The following ZFHX3 variants were observed in gnomAD, a reference collection of about 807,000 sequenced individuals.
ZFHX3 encodes zinc finger homeobox protein 3.
A neutral mutation model predicts 279.1 loss-of-function variants in ZFHX3; 42 were observed. The ratio of observed to expected loss-of-function variants is 0.15; its 90% confidence interval spans 0.12 to 0.19. ZFHX3 has a LOEUF of 0.19. Ranked by LOEUF, ZFHX3 falls within the 10% of genes least tolerant of loss-of-function variation. The pLI is 1.00. For synonymous variants in ZFHX3, 2,293 were observed against 1,957.8 expected, an observed-to-expected ratio of 1.17 and a Z score of -4.52; for missense variants, 4,981 against 4,754.0, an observed-to-expected ratio of 1.05 and a Z score of -1.40.
At chr16:72,879,715 A>G (rs2144017124) in intron 4 of ZFHX3, among the ~76,000 whole-genome samples, 1 of 152,308 alleles carries the variant, frequency 6.6e-6, no homozygotes, top group East Asian at 1.9e-4. Flanking sequence ...GTGAGCCACC[A>G]TGCCCAGCTA....
At chr16:73,259,141 G>A (rs2013744141) in intron 4 of ZFHX3, among the ~76,000 whole-genome samples, 1 of 152,154 alleles carries the variant, frequency 6.6e-6, no homozygotes, top group African/African-American at 2.4e-5. Context: ...ACAGCGCGGG[G>A]AACATGACTG....
chr16:73,781,728 C>A (rs1438426214), intron 1 of ZFHX3, among the ~76,000 whole-genome samples: 1 of 152,162 alleles, frequency 6.6e-6, no homozygotes, highest in Non-Finnish European at 1.5e-5. Flanking sequence ...GTGGCGCATG[C>A]CTGTAATTCC....
chr16:73,311,477 C>G (rs116418017), intron 4 of ZFHX3, among the ~76,000 whole-genome samples: 13,739 of 151,556 alleles, frequency 0.091, 684 homozygotes, highest in Middle Eastern at 0.17. Flanking sequence ...GTAATCCCAG[C>G]TGCTGGGGAA....
intron 5 of ZFHX3, among the ~76,000 whole-genome samples, chr16:72,826,761 C>A (rs2036942763): frequency 6.6e-6 from 1 of 152,208 alleles, no homozygotes; most frequent in Non-Finnish European, 1.5e-5. Context: ...CTCATTCATT[C>A]ATTTTCTCTC....
In ZFHX3 at chr16:73,326,120, G is replaced by C. The variant is rs570318442; in HGVS notation, c.-1290-7784C>G. 2.6e-5 allele frequency among the ~76,000 whole-genome samples: 4 copies of C among 152,332 alleles called. No homozygotes were observed. In the South Asian group the frequency reaches 8.3e-4, roughly 32 times the overall value. On this transcript the variant is annotated intron_variant, in intron 3 of 17. Coordinates refer to the ZFHX3 transcript ENST00000641206. ...GGAGAGATAGAAGCTCAGAGGCTGA[G>C]CGGCATGCCCATGGTCTCAGGGTCT...
intron 4 of ZFHX3, among the ~76,000 whole-genome samples, chr16:72,868,156 T>C (rs1009894962): frequency 6.6e-6 from 1 of 152,212 alleles, no homozygotes; most frequent in Non-Finnish European, 1.5e-5. Context: ...AATACATAAA[T>C]GTAATTGGGT....
chr16:73,179,785 G>T (rs1967750384), intron 5 of ZFHX3, among the ~76,000 whole-genome samples: 1 of 152,136 alleles, frequency 6.6e-6, no homozygotes, highest in Non-Finnish European at 1.5e-5. Context: ...TCTGTGGTTT[G>T]TCTGCTCCGC....
At chr16:73,438,710 T>G (rs1281489601) in intron 3 of ZFHX3, among the ~76,000 whole-genome samples, 2 of 152,214 alleles carry the variant, frequency 1.3e-5, no homozygotes, top group African/African-American at 4.8e-5. Flanking sequence ...ACTAAATTTG[T>G]GTTAAATTAG....
chr16:73,292,607 C>T (rs1417150163), intron 4 of ZFHX3, among the ~76,000 whole-genome samples: 6 of 152,138 alleles, frequency 3.9e-5, no homozygotes, highest in Non-Finnish European at 7.3e-5. Context: ...TAAGGTAAAA[C>T]ATTTTCCTGA....
intron 5 of ZFHX3, among the ~76,000 whole-genome samples, chr16:73,156,533 G>C (rs955562592): frequency 2.1e-4 from 32 of 152,118 alleles, no homozygotes; most frequent in African/African-American, 7.0e-4. Context: ...TCCTGGTCTT[G>C]CTTTGTATAA....
At chr16:73,563,807 T>A (rs1027708611) in intron 2 of ZFHX3, among the ~76,000 whole-genome samples, 2 of 152,170 alleles carry the variant, frequency 1.3e-5, no homozygotes, top group Non-Finnish European at 2.9e-5. Context: ...ATTCTTTTTA[T>A]CAAGAGAAAA....
intron 1 of ZFHX3, among the ~76,000 whole-genome samples, chr16:73,831,043 C>T (rs753705708): frequency 3.3e-5 from 5 of 152,154 alleles, no homozygotes; most frequent in Non-Finnish European, 5.9e-5. Context: ...ATTTCTCTTC[C>T]CCTTTAGACA....
chr16:72,824,351 C>T (rs1026129238), intron 5 of ZFHX3, among the ~76,000 whole-genome samples: 1 of 152,148 alleles, frequency 6.6e-6, no homozygotes, highest in African/African-American at 2.4e-5. Context: ...GGACGCTCCA[C>T]TGCACTAATT....
chr16:73,202,804 CA>C (rs1447303991), intron 5 of ZFHX3, among the ~76,000 whole-genome samples: 1 of 151,978 alleles, frequency 6.6e-6, no homozygotes, highest in Non-Finnish European at 1.5e-5. Context: ...CCACCCCCAT[CA>C]AAGTCATGAC....
At chr16:73,594,683 C>T (rs1163968380) in intron 2 of ZFHX3, among the ~76,000 whole-genome samples, 3 of 152,122 alleles carry the variant, frequency 2.0e-5, no homozygotes, top group Admixed American at 6.6e-5. Context: ...GAAAGGAGTA[C>T]CTTTTCAATA....
chr16:72,948,544 C>T (rs1053912705), intron 3 of ZFHX3, among the ~76,000 whole-genome samples: 30 of 152,286 alleles, frequency 2.0e-4, no homozygotes, highest in South Asian at 1.2e-3. Context: ...TCAGCAAATC[C>T]GCCGAGTTCC....
intron 2 of ZFHX3, among the ~76,000 whole-genome samples, chr16:73,642,911 A>G (rs1314874205): frequency 1.3e-5 from 2 of 152,214 alleles, no homozygotes; most frequent in Non-Finnish European, 1.5e-5. Context: ...TAACAGCCCA[A>G]TTCGAAGTCT....
At chr16:73,710,927 T>C (rs2053356587) in intron 1 of ZFHX3, among the ~76,000 whole-genome samples, 1 of 152,118 alleles carries the variant, frequency 6.6e-6, no homozygotes, top group Non-Finnish European at 1.5e-5. Flanking sequence ...ATATTAACAG[T>C]CACTTCCACA....
intron 1 of ZFHX3, among the ~76,000 whole-genome samples, chr16:72,983,074 A>T (rs1404665954): frequency 6.6e-6 from 1 of 152,150 alleles, no homozygotes; most frequent in African/African-American, 2.4e-5. Flanking sequence ...CTTCCCCGTC[A>T]GGAATGTCGC....
Sources: gnomAD v4.1 joint callset for allele counts (sites outside exome capture counted in the v4.1 genomes callset) on GRCh38, gnomAD v4.1.1 for gene constraint, MANE v1.5 for transcripts, NCBI Gene and HGNC (gene_info 2026-07-23, HGNC 2026-07-21) for gene names.